PCDHGA3: variants seen among roughly 807,000 people sequenced by gnomAD.
PCDHGA3 encodes protocadherin gamma-A3.
Under a neutral mutation model 58.5 loss-of-function variants are expected in PCDHGA3, and 40 were observed. That is an observed-to-expected ratio of 0.68 (90% CI 0.53 to 0.89). The LOEUF (loss-of-function observed/expected upper bound fraction) is 0.89. PCDHGA3 is among the 40% of genes least tolerant of loss of function. The pLI is 0.00. For missense variants in PCDHGA3, 1,223 were observed against 1,195.9 expected (o/e 1.02, Z -0.33); for synonymous variants, 530 against 525.7 (o/e 1.01, Z -0.11).
intron 1 of PCDHGA3, chr5:141,374,444 G>T: frequency 6.2e-7 from 1 of 1,613,848 alleles, no homozygotes; most frequent in Non-Finnish European, 8.5e-7. Context: ...TCCCGTGGAA[G>T]TGGAAATAGT....
At chr5:141,438,996 A>G (rs2098080427) in intron 1 of PCDHGA3, among the ~76,000 whole-genome samples, 1 of 151,634 alleles carries the variant, frequency 6.6e-6, no homozygotes, top group African/African-American at 2.4e-5. Flanking sequence ...AAGGCTAAGG[A>G]CCTGGTTTGT....
intron 1 of PCDHGA3, among the ~76,000 whole-genome samples, chr5:141,451,365 G>C (rs557753113): frequency 2.0e-5 from 3 of 152,116 alleles, no homozygotes; most frequent in Non-Finnish European, 4.4e-5. Context: ...GGATGGATCC[G>C]CTTCTAATCT....
intron 1 of PCDHGA3, chr5:141,404,291 G>A (rs755978034): frequency 6.2e-7 from 1 of 1,613,956 alleles, no homozygotes; most frequent in Non-Finnish European, 8.5e-7. Context: ...TGACATCAAT[G>A]ATAATCCACC....
chr5:141,355,296 C>T (rs1330952446), intron 1 of PCDHGA3: 5 of 1,613,794 alleles, frequency 3.1e-6, no homozygotes, highest in Non-Finnish European at 4.2e-6. Context: ...AACAGATTCT[C>T]TACTCGGTGT....
At chr5:141,508,033 C>A (rs1596123382) in intron 3 of PCDHGA3, 1 of 152,290 alleles carries the variant, frequency 6.6e-6, no homozygotes, top group Non-Finnish European at 1.5e-5. Flanking sequence ...GTTTGCAGCT[C>A]AGCCAGCTGT....
intron 1 of PCDHGA3, among the ~76,000 whole-genome samples, chr5:141,481,789 T>TAAAAATAC (rs972511310): frequency 3.3e-5 from 5 of 151,186 alleles, no homozygotes; most frequent in African/African-American, 1.2e-4. Flanking sequence ...CCGTCTCTAC[T>TAAAAATAC]AAAAATACAA....
Position 141,511,590 on chromosome 5 carries a change from A to C in PCDHGA3, c.*417A>C, listed in dbSNP as rs2099883868. On this transcript the variant is annotated 3_prime_UTR_variant, in exon 4 of 4. Transcript: ENST00000253812. ...AGTAAGGTGGTTGGGGTGTTGAAGT[A>C]CCAAGTAACCTACAAGCCTCCTAGT... The C allele has an allele frequency of 3.7e-6, 1 of 267,790 alleles. No homozygotes were observed. Among genetic ancestry groups the C allele is most frequent in the Admixed American group, 4.8e-5 (1 of 20,946 alleles). The allele number at this position is 267,790 out of a possible 1,614,324, so 16.6% of individuals were successfully genotyped here.
chr5:141,497,211 G>C (rs914346878), intron 2 of PCDHGA3, among the ~76,000 whole-genome samples: 19 of 28,538 alleles, frequency 6.7e-4, no homozygotes, highest in African/African-American at 2.3e-3. Flanking sequence ...GAGTGTAATG[G>C]GGGGGGGAAG....
chr5:141,430,926 C>T, intron 1 of PCDHGA3: 1 of 1,607,426 alleles, frequency 6.2e-7, no homozygotes, highest in Non-Finnish European at 8.5e-7. Flanking sequence ...GGGCTGGAGC[C>T]CCGGGAGCTC....
At chr5:141,390,352 A>G (rs1340044054) in intron 1 of PCDHGA3, 2 of 1,557,524 alleles carry the variant, frequency 1.3e-6, no homozygotes, top group African/African-American at 2.7e-5. Context: ...GAAAATATAC[A>G]TATTTGCAGG....
rs1488042504 is a variant in PCDHGA3, at chr5:141,511,552, T to C, written c.*379T>C. ...CCTCCTCCCCACCCCACTCCAACAG[T>C]TCCTCTTTCCCGAGTAAGGTGGTTG... On this transcript the variant is annotated 3_prime_UTR_variant, in exon 4 of 4. Coordinates refer to ENST00000253812, the MANE Select transcript of PCDHGA3 (RefSeq NM_018916.4). 1.3e-5 allele frequency: 4 copies of C among 304,316 alleles called. No individual in the cohort carries two copies. The highest frequency in any genetic ancestry group is 2.6e-5 in the Non-Finnish European group (4 of 156,548). The allele number at this position is 304,316 out of a possible 1,614,324, so 18.9% of individuals were successfully genotyped here.
intron 1 of PCDHGA3, chr5:141,362,079 T>C (rs755962280): frequency 1.7e-5 from 28 of 1,612,646 alleles, no homozygotes; most frequent in Admixed American, 1.7e-4. Context: ...CTGTGCGTGA[T>C]GGAGGACAGC....
At position 141,344,844 on chromosome 5, in the gene PCDHGA3, G is replaced by T; in HGVS notation, c.811G>T (p.Glu271Ter). 6.2e-7 allele frequency: 1 copy of T among 1,613,938 alleles called. No homozygotes were observed. The highest frequency in any genetic ancestry group is 2.2e-5 in the East Asian group (1 of 44,886). Reference protein sequence around the residue: ...LLTVNATDPDEGFNAQVSYIL... With the variant: ...LLTVNATDPD ...CACGGTGAATGCCACTGACCCTGAC[G>T]AGGGATTCAATGCTCAAGTGTCTTA... Residue 271 changes from glutamate to a stop codon, truncating the protein, a stop_gained, in exon 1 of 4, where the codon GAG becomes TAG. Coordinates refer to ENST00000253812, the MANE Select transcript of PCDHGA3 (RefSeq NM_018916.4). LOFTEE classifies it high-confidence loss of function.
At chr5:141,469,951 T>G (rs1467717372) in intron 1 of PCDHGA3, among the ~76,000 whole-genome samples, 2 of 152,034 alleles carry the variant, frequency 1.3e-5, no homozygotes, top group African/African-American at 4.8e-5. Context: ...GCCAGCATGG[T>G]GAAACCCCAT....
intron 2 of PCDHGA3, among the ~76,000 whole-genome samples, chr5:141,505,172 A>C (rs1336105711): frequency 6.6e-6 from 1 of 152,178 alleles, no homozygotes; most frequent in Non-Finnish European, 1.5e-5. Context: ...AAACAAAAAG[A>C]AAAAAGCATC....
rs2093964070 is a variant in PCDHGA3, at chr5:141,400,115, G to A, written c.2424+53658G>A. On this transcript the variant is annotated intron_variant, in intron 1 of 3. Coordinates refer to ENST00000253812, the MANE Select transcript of PCDHGA3 (RefSeq NM_018916.4). ...ACGCTGCACTTGGTCTTTGCTGACA[G>A]CTTGCAGGAGGTGCTGCCGGATATC... The A allele has an allele frequency of 1.9e-6, 3 of 1,613,966 alleles. No individual in the cohort carries two copies. The African/African-American group carries it at 4.0e-5, about 22-fold the overall frequency.
chr5:141,427,646 C>A, intron 1 of PCDHGA3: 1 of 715,440 alleles, frequency 1.4e-6, no homozygotes, highest in East Asian at 2.7e-5. Context: ...ACCAAGTCTC[C>A]TACGTGGTCC....
intron 1 of PCDHGA3, among the ~76,000 whole-genome samples, chr5:141,380,075 C>T (rs1776189722): frequency 6.6e-6 from 1 of 151,480 alleles, no homozygotes; most frequent in African/African-American, 2.4e-5. Flanking sequence ...AATTTTCATA[C>T]TTTTAGTAGA....
At chr5:141,423,228 CA>C in intron 1 of PCDHGA3, 1 of 1,613,866 alleles carries the variant, frequency 6.2e-7, no homozygotes, top group Non-Finnish European at 8.5e-7. Flanking sequence ...CTGTGGCCGA[CA>C]GCATCCCCGA....
Sources: allele counts gnomAD v4.1 joint callset (sites outside exome capture counted in the v4.1 genomes callset), GRCh38; gene constraint gnomAD v4.1.1; transcripts MANE v1.5; gene names NCBI Gene and HGNC (gene_info 2026-07-23, HGNC 2026-07-21).